The following ACSS3 variants were observed in gnomAD, a reference collection of about 807,000 sequenced individuals.
ACSS3 encodes the protein acyl-CoA synthetase short-chain family member 3, mitochondrial.
ACSS3 carries 64 observed loss-of-function variants against 84.2 expected under a neutral mutation model. That is an observed-to-expected ratio of 0.76 (90% CI 0.62 to 0.94). ACSS3 has a LOEUF of 0.94. ACSS3 is among the 40% of genes least tolerant of loss of function. The pLI is 0.00. For missense variants in ACSS3, 815 were observed against 867.6 expected (o/e 0.94, Z 0.76); for synonymous variants, 317 against 310.1 (o/e 1.02, Z -0.23).
intron 8 of ACSS3, among the ~76,000 whole-genome samples, chr12:81,188,138 T>C (rs1229520758): frequency 6.6e-6 from 1 of 151,988 alleles, no homozygotes; most frequent in African/African-American, 2.4e-5. Context: ...TGATAAAAGA[T>C]ATTGAAAAGT....
At chr12:81,089,979 A>C (rs1215066256) in intron 1 of ACSS3, among the ~76,000 whole-genome samples, 2 of 152,000 alleles carry the variant, frequency 1.3e-5, no homozygotes, top group East Asian at 3.9e-4. Context: ...TTCAGTTATA[A>C]GTTGTAATTA....
chr12:81,094,516 G>C (rs962808626), intron 1 of ACSS3: 4 of 152,160 alleles, frequency 2.6e-5, no homozygotes, highest in African/African-American at 4.8e-5. Flanking sequence ...AATTTGTAAG[G>C]CTCGATGGAA....
At chr12:81,170,055 G>A (rs2029917883) in intron 7 of ACSS3, among the ~76,000 whole-genome samples, 1 of 152,098 alleles carries the variant, frequency 6.6e-6, no homozygotes, top group Non-Finnish European at 1.5e-5. Context: ...CAGTGTCTGG[G>A]AAATCACAAG....
At chr12:81,217,685 A>G (rs894447219) in intron 10 of ACSS3, among the ~76,000 whole-genome samples, 6 of 152,080 alleles carry the variant, frequency 3.9e-5, no homozygotes, top group Admixed American at 3.9e-4. Flanking sequence ...TCTACTAAAT[A>G]TACAAAAATT....
intron 11 of ACSS3, among the ~76,000 whole-genome samples, chr12:81,223,445 T>C (rs139568920): frequency 1.7e-3 from 261 of 152,216 alleles, no homozygotes; most frequent in Non-Finnish European, 3.0e-3. Context: ...TTCATCTGGG[T>C]ATCCTTTGAG....
chr12:81,141,733 C>G (rs1886102367), intron 4 of ACSS3, among the ~76,000 whole-genome samples: 1 of 152,040 alleles, frequency 6.6e-6, no homozygotes, highest in Non-Finnish European at 1.5e-5. Flanking sequence ...TTTTATAGAT[C>G]TCTGTGTTGT....
chr12:81,250,519 C>T (rs915244684), intron 13 of ACSS3, among the ~76,000 whole-genome samples: 8 of 151,876 alleles, frequency 5.3e-5, no homozygotes, highest in Admixed American at 2.6e-4. Flanking sequence ...TTTTCCCATC[C>T]GCTTCTAAAA....
At chr12:81,148,294 A>G (rs1886441006) in intron 5 of ACSS3, among the ~76,000 whole-genome samples, 1 of 152,118 alleles carries the variant, frequency 6.6e-6, no homozygotes, top group African/African-American at 2.4e-5. Context: ...GGCAGCCAAA[A>G]CTGCACACAA....
chr12:81,116,613 A>G (rs1393272211), intron 2 of ACSS3, among the ~76,000 whole-genome samples: 4 of 152,038 alleles, frequency 2.6e-5, no homozygotes, highest in Admixed American at 2.6e-4. Flanking sequence ...TGCTTTTTTA[A>G]TCCAGTTATT....
At chr12:81,221,198 C>T (rs1220981567) in intron 11 of ACSS3, among the ~76,000 whole-genome samples, 1 of 152,046 alleles carries the variant, frequency 6.6e-6, no homozygotes, top group Non-Finnish European at 1.5e-5. Flanking sequence ...CAGTATGTGA[C>T]ATTTTAATAA....
At chr12:81,180,272 C>G (rs376186037) in intron 8 of ACSS3, among the ~76,000 whole-genome samples, 2 of 152,124 alleles carry the variant, frequency 1.3e-5, no homozygotes, top group African/African-American at 4.8e-5. Flanking sequence ...GTACTATGCT[C>G]GTTACCTGGA....
intron 9 of ACSS3, among the ~76,000 whole-genome samples, chr12:81,200,302 C>T (rs920972200): frequency 6.6e-6 from 1 of 152,156 alleles, no homozygotes; most frequent in Non-Finnish European, 1.5e-5. Context: ...GCCCTACAAC[C>T]TTTATATGTA....
chr12:81,252,107 C>G (rs964354245), intron 13 of ACSS3, among the ~76,000 whole-genome samples: 2 of 151,956 alleles, frequency 1.3e-5, no homozygotes, highest in African/African-American at 4.8e-5. Flanking sequence ...TTGCCCCAAC[C>G]CCTTCTCCTT....
At chr12:81,134,711 A>T in intron 2 of ACSS3, 105 bp from the exon 3 acceptor site, 2 of 1,012,068 alleles carry the variant, frequency 2.0e-6, no homozygotes, top group Non-Finnish European at 2.7e-6. Flanking sequence ...GGCTCCTTTA[A>T]TCTACTACCA....
At chr12:81,141,746 A>G (rs1886103591) in intron 4 of ACSS3, among the ~76,000 whole-genome samples, 1 of 152,174 alleles carries the variant, frequency 6.6e-6, no homozygotes, top group Non-Finnish European at 1.5e-5. Context: ...TGTGTTGTCA[A>G]AAGTTTGATA....
intron 1 of ACSS3, 72 bp downstream of exon 1, chr12:81,078,503 C>T (rs995070078): frequency 3.2e-5 from 49 of 1,527,156 alleles, no homozygotes; most frequent in Admixed American, 1.6e-4. Flanking sequence ...CTCCCTGGGA[C>T]CTGGAATCTG....
intron 1 of ACSS3, among the ~76,000 whole-genome samples, chr12:81,080,505 A>C (rs1880901661): frequency 6.6e-6 from 1 of 152,198 alleles, no homozygotes; most frequent in East Asian, 1.9e-4. Flanking sequence ...ATCAAAGTGA[A>C]GAAGTGATAA....
intron 8 of ACSS3, among the ~76,000 whole-genome samples, chr12:81,184,762 A>G (rs2031155735): frequency 6.6e-6 from 1 of 151,738 alleles, no homozygotes; most frequent in South Asian, 2.1e-4. Context: ...TCCCACAAAG[A>G]AAAGCCCAAA....
intron 13 of ACSS3, among the ~76,000 whole-genome samples, chr12:81,237,020 C>T (rs1039635642): frequency 4.0e-5 from 6 of 151,408 alleles, no homozygotes; most frequent in Non-Finnish European, 7.4e-5. Flanking sequence ...GGCAGCCGTC[C>T]TTCCTGAAGG....
Sources: gnomAD v4.1 joint callset for allele counts (sites outside exome capture counted in the v4.1 genomes callset) on GRCh38, gnomAD v4.1.1 for gene constraint, MANE v1.5 for transcripts, NCBI Gene and HGNC (gene_info 2026-07-23, HGNC 2026-07-21) for gene names.